Variants in NWD2 observed in about 807,000 individuals in gnomAD.
NWD2 encodes NACHT and WD repeat domain containing 2.
NWD2 carries 37 observed loss-of-function variants against 132.7 expected under a neutral mutation model. The ratio of observed to expected loss-of-function variants is 0.28; its 90% CI spans 0.21 to 0.37. The LOEUF (loss-of-function observed/expected upper bound fraction) is 0.37. Ranked by LOEUF, NWD2 falls within the 10% of genes least tolerant of loss-of-function variation. NWD2 has a pLI of 1.00. For synonymous variants in NWD2, 705 were observed against 803.0 expected (o/e 0.88, Z 2.06); for missense variants, 1,592 against 2,122.4 (o/e 0.75, Z 4.91).
chr4:37,308,308 G>C (rs1013402248), intron 1 of NWD2, among the ~76,000 whole-genome samples: 1 of 152,090 alleles, frequency 6.6e-6, no homozygotes, highest in Non-Finnish European at 1.5e-5. Flanking sequence ...CTTTGACTTT[G>C]GTTCTGGGTG....
chr4:37,406,409 G>C (rs1033335944), intron 3 of NWD2, among the ~76,000 whole-genome samples: 1 of 152,090 alleles, frequency 6.6e-6, no homozygotes, highest in African/African-American at 2.4e-5. Context: ...AACCAGAAAT[G>C]CCATTTGACC....
intron 1 of NWD2, among the ~76,000 whole-genome samples, chr4:37,267,483 T>C (rs1435378): frequency 0.26 from 38,987 of 151,836 alleles, 5,504 homozygotes; most frequent in South Asian, 0.38. Flanking sequence ...CTAGTACCTA[T>C]TGCGAAGGGA....
At chr4:37,405,464 TAG>T (rs1340851720) in intron 3 of NWD2, among the ~76,000 whole-genome samples, 1 of 129,270 alleles carries the variant, frequency 7.7e-6, no homozygotes, top group Non-Finnish European at 1.7e-5. Flanking sequence ...TAGAATAGAA[TAG>T]AATAGAATAG....
rs1044687228 is a variant in NWD2, at chr4:37,445,092, T to C, written c.3104T>C (p.Ile1035Thr). ...VVATTNNTLL[I>T]YDNVNSCLLS... ...GCTACAACAAATAACACCTTGTTGA[T>C]TTATGACAATGTCAATTCTTGCCTC... The change falls in exon 7 of 7, where the codon ATT becomes ACT. Residue 1035 changes from isoleucine (I) to threonine (T), a missense_variant. Transcript: ENST00000309447. The surrounding 1 kb of genome is among the most constrained non-coding windows in gnomAD (Gnocchi z 4.7). 30 of 1,551,714 alleles carry C rather than the reference T, an allele frequency of 1.9e-5. No individual in the cohort carries two copies. Among genetic ancestry groups the C allele is most frequent in the Non-Finnish European group, 2.4e-5 (28 of 1,147,050 alleles).
At chr4:37,354,635 G>A (rs1183778915) in intron 2 of NWD2, among the ~76,000 whole-genome samples, 2 of 152,162 alleles carry the variant, frequency 1.3e-5, no homozygotes, top group African/African-American at 4.8e-5. Flanking sequence ...CAGGACAGGA[G>A]GCCAGAGTAG....
At position 37,444,981 on chromosome 4, in the gene NWD2, C is replaced by T; in HGVS notation, c.2993C>T (p.Thr998Ile). 6.4e-7 allele frequency: 1 copy of T among 1,552,038 alleles called. No individual in the cohort carries two copies. Among genetic ancestry groups the T allele is most frequent in the Non-Finnish European group, 8.7e-7 (1 of 1,147,072 alleles). ...NGSISTWDVE[T>I]RQLLRQITTA... ...TCCATCAGCACCTGGGATGTAGAGA[C>T]TCGACAGCTACTCAGGCAAATCACC... Residue 998 changes from threonine (T) to isoleucine (I), a missense_variant, in exon 7 of 7, where the codon ACT becomes ATT. Coordinates refer to ENST00000309447, the MANE Select transcript of NWD2 (RefSeq NM_001144990.2). The surrounding 1 kb of genome is among the most constrained non-coding windows in gnomAD (Gnocchi z 4.8).
chr4:37,256,207 T>A (rs1057458551), intron 1 of NWD2, among the ~76,000 whole-genome samples: 3 of 152,214 alleles, frequency 2.0e-5, no homozygotes, highest in Non-Finnish European at 4.4e-5. Flanking sequence ...GCAGTATATA[T>A]GTGACTGTGG....
intron 4 of NWD2, among the ~76,000 whole-genome samples, chr4:37,431,515 G>A (rs950225853): frequency 6.6e-6 from 1 of 152,108 alleles, no homozygotes; most frequent in Non-Finnish European, 1.5e-5. Flanking sequence ...ACAAAGGTCT[G>A]GGATTTAGAG....
At chr4:37,355,366 A>G (rs1305759278) in intron 2 of NWD2, among the ~76,000 whole-genome samples, 3 of 152,176 alleles carry the variant, frequency 2.0e-5, no homozygotes, top group African/African-American at 7.2e-5. Flanking sequence ...AAAACACTCA[A>G]ATGCACTTAG....
intron 5 of NWD2, among the ~76,000 whole-genome samples, chr4:37,435,455 G>A (rs1045265971): frequency 2.0e-5 from 3 of 152,278 alleles, no homozygotes; most frequent in African/African-American, 7.2e-5. Flanking sequence ...AATAAGTACT[G>A]TATTTAAATA....
At chr4:37,414,027 G>A (rs1431125742) in intron 3 of NWD2, among the ~76,000 whole-genome samples, 4 of 151,872 alleles carry the variant, frequency 2.6e-5, no homozygotes, top group Non-Finnish European at 4.4e-5. Flanking sequence ...TGTAGGTGAC[G>A]GGTTGATAGG....
chr4:37,386,336 G>A (rs1720564275), intron 3 of NWD2, among the ~76,000 whole-genome samples: 1 of 152,050 alleles, frequency 6.6e-6, no homozygotes, highest in Non-Finnish European at 1.5e-5. Context: ...GAATTTATAG[G>A]TCTTTTCCTA....
intron 1 of NWD2, among the ~76,000 whole-genome samples, chr4:37,297,857 G>A (rs1184837143): frequency 6.6e-6 from 1 of 152,150 alleles, no homozygotes; most frequent in East Asian, 1.9e-4. Context: ...CATGAAGTTG[G>A]TTTGTTCCAT....
chr4:37,283,551 A>C (rs1005776999), intron 1 of NWD2, among the ~76,000 whole-genome samples: 1 of 152,206 alleles, frequency 6.6e-6, no homozygotes, highest in Non-Finnish European at 1.5e-5. Context: ...GGAGTTTTAC[A>C]TCTTTCTAAA....
intron 1 of NWD2, among the ~76,000 whole-genome samples, chr4:37,276,193 C>G (rs926020447): frequency 6.6e-6 from 1 of 152,094 alleles, no homozygotes; most frequent in African/African-American, 2.4e-5. Flanking sequence ...TTTTTGCAAT[C>G]TACTCATCTG....
chr4:37,344,594 A>G (rs575393791), intron 2 of NWD2, among the ~76,000 whole-genome samples: 1 of 152,296 alleles, frequency 6.6e-6, no homozygotes, highest in African/African-American at 2.4e-5. Context: ...AAGGAAAATA[A>G]ATAATGAAAG....
intron 2 of NWD2, among the ~76,000 whole-genome samples, chr4:37,336,909 C>T (rs1047371948): frequency 1.0e-4 from 15 of 142,920 alleles, no homozygotes; most frequent in African/African-American, 1.5e-4. Flanking sequence ...CGCACCACTG[C>T]GCTCCAGCCT....
intron 1 of NWD2, among the ~76,000 whole-genome samples, chr4:37,283,938 A>G (rs1462239744): frequency 2.0e-5 from 3 of 152,328 alleles, no homozygotes; most frequent in Middle Eastern, 3.4e-3. Flanking sequence ...TACTGTATAC[A>G]TTCTATGCAG....
chr4:37,419,371 A>G (rs191255400), intron 3 of NWD2, among the ~76,000 whole-genome samples: 16 of 152,354 alleles, frequency 1.1e-4, no homozygotes, highest in Non-Finnish European at 1.3e-4. Flanking sequence ...AACCAAGAGC[A>G]ATGGCAACAA....
Sources: gnomAD v4.1 joint callset for allele counts (sites outside exome capture counted in the v4.1 genomes callset) on GRCh38, gnomAD v4.1.1 for gene constraint, Gnocchi (gnomAD v3.1) non-coding constraint, MANE v1.5 for transcripts, NCBI Gene and HGNC (gene_info 2026-07-23, HGNC 2026-07-21) for gene names.